The following ADAMTSL1 variants were observed in gnomAD, a reference collection of about 807,000 sequenced individuals.
The protein encoded by ADAMTSL1 is ADAMTS-like protein 1.
A neutral mutation model predicts 201.8 loss-of-function variants in ADAMTSL1; 126 were observed. The ratio of observed to expected loss-of-function variants is 0.62; its 90% CI spans 0.54 to 0.72. The LOEUF (loss-of-function observed/expected upper bound fraction) is 0.72. ADAMTSL1 is among the 30% of genes least tolerant of loss of function. ADAMTSL1 has a pLI of 0.00. For missense variants in ADAMTSL1, 2,679 were observed against 2,277.8 expected (o/e 1.18, Z -3.59); for synonymous variants, 1,121 against 903.4 (o/e 1.24, Z -4.32).
intron 3 of ADAMTSL1, among the ~76,000 whole-genome samples, chr9:18,552,178 G>A (rs566014155): frequency 6.6e-6 from 1 of 151,548 alleles, no homozygotes; most frequent in South Asian, 2.1e-4. Context: ...TAATTCCTTA[G>A]GTTTGAAGCT....
intron 1 of ADAMTSL1, among the ~76,000 whole-genome samples, chr9:17,940,207 T>C (rs1302076094): frequency 6.6e-6 from 1 of 152,154 alleles, no homozygotes; most frequent in Non-Finnish European, 1.5e-5. Flanking sequence ...TGTTTTAGCA[T>C]AATGAAATGA....
chr9:18,761,602 T>A (rs935747119), intron 16 of ADAMTSL1, among the ~76,000 whole-genome samples: 2 of 152,206 alleles, frequency 1.3e-5, no homozygotes, highest in Non-Finnish European at 2.9e-5. Flanking sequence ...TTATTTAATT[T>A]CATTAATTTT....
intron 3 of ADAMTSL1, among the ~76,000 whole-genome samples, chr9:18,565,962 T>A (rs1248887010): frequency 6.6e-6 from 1 of 152,180 alleles, no homozygotes; most frequent in African/African-American, 2.4e-5. Context: ...TACAAATGTC[T>A]GGCTATTTTT....
intron 1 of ADAMTSL1, among the ~76,000 whole-genome samples, chr9:18,043,616 C>G (rs1367969318): frequency 6.6e-6 from 1 of 151,846 alleles, no homozygotes; most frequent in Non-Finnish European, 1.5e-5. Context: ...TCCCTGACTT[C>G]TAGAGGGAAG....
intron 1 of ADAMTSL1, among the ~76,000 whole-genome samples, chr9:17,992,000 A>G (rs998104198): frequency 6.6e-6 from 1 of 151,936 alleles, no homozygotes; most frequent in African/African-American, 2.4e-5. Flanking sequence ...CCTCTTTCAT[A>G]CCTAGAGAGG....
rs527352721 is a variant in ADAMTSL1 at position 18,325,627 on chromosome 9, A to G, written c.207+161646A>G. 2.6e-5 allele frequency among the ~76,000 whole-genome samples: 4 copies of G among 152,330 alleles called. No individual in the cohort carries two copies. The East Asian group carries it at 7.7e-4, about 29-fold the overall frequency. ...TCTGGAGGCTGGGAAGTCCAAGATC[A>G]AGGTGCTAGCCTCTGATCTGGTGAG... On this transcript the variant is annotated intron_variant, in intron 2 of 29. Transcript: ENST00000680146.
At chr9:18,322,781 G>A (rs902087697) in intron 2 of ADAMTSL1, among the ~76,000 whole-genome samples, 1 of 152,078 alleles carries the variant, frequency 6.6e-6, no homozygotes, top group Admixed American at 6.5e-5. Context: ...TGATAAAAAA[G>A]AGTATCATCA....
chr9:18,287,652 T>TAA (rs368548128), intron 2 of ADAMTSL1, among the ~76,000 whole-genome samples: 55 of 143,572 alleles, frequency 3.8e-4, no homozygotes, highest in Middle Eastern at 8.0e-3. Flanking sequence ...TGTGTATACA[T>TAA]ATACACATAT....
rs192122637 is a variant in ADAMTSL1 at position 18,418,159 on chromosome 9, T to C, written c.208-86670T>C. Among the ~76,000 whole-genome samples the C allele has an allele frequency of 2.6e-5, 4 of 152,282 alleles. No individual in the cohort carries two copies. In the East Asian group the frequency reaches 7.7e-4, roughly 29 times the overall value. On this transcript the variant is annotated intron_variant, in intron 2 of 29. Transcript: ENST00000680146. Reference sequence around the variant, plus strand: ...AACTCAATATTTATTCATGATAAAATCTCTCAGTCAGCTAGGAAAAGAAGG... The same window carrying C: ...AACTCAATATTTATTCATGATAAAACCTCTCAGTCAGCTAGGAAAAGAAGG...
chr9:17,964,799 G>T (rs900396429), intron 1 of ADAMTSL1, among the ~76,000 whole-genome samples: 2 of 152,070 alleles, frequency 1.3e-5, no homozygotes, highest in East Asian at 3.9e-4. Flanking sequence ...GTTTTATTTC[G>T]TGGCTTTCTT....
intron 1 of ADAMTSL1, among the ~76,000 whole-genome samples, chr9:18,482,187 C>A (rs1012693658): frequency 3.9e-5 from 6 of 152,304 alleles, no homozygotes; most frequent in African/African-American, 1.4e-4. Context: ...AGAAAAATCA[C>A]GTGCATGAAC....
chr9:18,712,177 A>T (rs1326567111), intron 14 of ADAMTSL1, among the ~76,000 whole-genome samples: 1 of 152,210 alleles, frequency 6.6e-6, no homozygotes, highest in Admixed American at 6.5e-5. Context: ...TGGAAACTCT[A>T]AAAAGCAGAG....
rs370940110 is a variant in ADAMTSL1, at chr9:18,681,697, T to TGTGTGTGG, written c.1342-114_1342-113insTGTGTGGG. The TGTGTGTGG allele has an allele frequency of 2.5e-3, 612 of 240,196 alleles. 13 individuals are homozygous for TGTGTGTGG. Among genetic ancestry groups the TGTGTGTGG allele is most frequent in the African/African-American group, 0.011 (165 of 15,460 alleles). The allele number at this position is 240,196 out of a possible 1,614,324, so 14.9% of individuals were successfully genotyped here. A position where few individuals can be genotyped will look rare whatever the true frequency, so the allele number is the denominator to read the frequency against. ...TATAAATTTACCAGGAGTCCTCGTGTGGGGGGGGGGGGCGGGGAAAAAGAA... is the reference window on the plus strand; with the variant it reads ...TATAAATTTACCAGGAGTCCTCGTGTGTGTGTGGGGGGGGGGGGGGCGGGGAAAAAGAA... On this transcript the variant is annotated intron_variant, in intron 11 of 28. Transcript: ENST00000380548.
chr9:18,423,322 A>G (rs751578489), intron 2 of ADAMTSL1, among the ~76,000 whole-genome samples: 2 of 152,236 alleles, frequency 1.3e-5, no homozygotes, highest in Admixed American at 6.5e-5. Flanking sequence ...GTTATATGAC[A>G]TAAGTCACCT....
intron 1 of ADAMTSL1, among the ~76,000 whole-genome samples, chr9:17,983,810 T>TA (rs557528636): frequency 6.0e-5 from 9 of 149,752 alleles, no homozygotes; most frequent in East Asian, 3.9e-4. Context: ...CTTTTGAAGT[T>TA]AAAAAAAAAA....
intron 23 of ADAMTSL1, among the ~76,000 whole-genome samples, chr9:18,873,798 T>C (rs1468170758): frequency 6.6e-6 from 1 of 152,208 alleles, no homozygotes; most frequent in Non-Finnish European, 1.5e-5. Flanking sequence ...TAGTTACATA[T>C]GAATTTTAGA....
chr9:18,635,832 TA>T (rs1166483525), intron 5 of ADAMTSL1, 110 bp from the exon 6 acceptor site: 3 of 871,548 alleles, frequency 3.4e-6, no homozygotes, highest in South Asian at 1.6e-5. Context: ...TTCAAACACT[TA>T]AAAAAACTGT....
At chr9:18,732,454 A>T (rs954860510) in intron 15 of ADAMTSL1, among the ~76,000 whole-genome samples, 1 of 152,196 alleles carries the variant, frequency 6.6e-6, no homozygotes, top group South Asian at 2.1e-4. Context: ...CCATAATGAG[A>T]TGATAAAATG....
At chr9:18,574,822 A>G (rs530170077) in intron 4 of ADAMTSL1, among the ~76,000 whole-genome samples, 2 of 152,312 alleles carry the variant, frequency 1.3e-5, no homozygotes, top group African/African-American at 4.8e-5. Context: ...CAGGATTACA[A>G]AAAGGTTTGA....
Sources: gnomAD v4.1 joint callset for allele counts (sites outside exome capture counted in the v4.1 genomes callset) on GRCh38, gnomAD v4.1.1 for gene constraint, MANE v1.5 for transcripts, NCBI Gene and HGNC (gene_info 2026-07-23, HGNC 2026-07-21) for gene names.